XKRX: variants seen among roughly 807,000 people sequenced by gnomAD.
XKRX encodes the protein XK related X-linked.
In XKRX, 11 loss-of-function variants were observed where a neutral mutation model predicts 22.4. The ratio of observed to expected loss-of-function variants is 0.49; its 90% CI spans 0.31 to 0.81. The LOEUF (loss-of-function observed/expected upper bound fraction) is 0.81. XKRX is among the 40% of genes least tolerant of loss of function. The pLI, the probability that XKRX is intolerant of heterozygous loss-of-function variation, is 0.05. For synonymous variants in XKRX, 114 were observed against 132.2 expected, an observed-to-expected ratio of 0.86 and a Z score of 0.94; for missense variants, 320 against 336.5, an observed-to-expected ratio of 0.95 and a Z score of 0.38.
chrX:100,948,323 A>T, the XKRX span, among the ~76,000 whole-genome samples: 40 of 112,085 alleles, frequency 3.6e-4, no homozygotes, highest in African/African-American at 1.3e-3. Context: ...GTATCTTTTT[A>T]AAAAAATCAA....
chrX:100,892,777 A>C, the XKRX span, among the ~76,000 whole-genome samples: 1 of 112,465 alleles, frequency 8.9e-6, no homozygotes, highest in Non-Finnish European at 1.9e-5. Context: ...GTGGTTCCTA[A>C]AAAAGTTAAA....
the XKRX span, among the ~76,000 whole-genome samples, chrX:100,901,947 T>A: frequency 9.2e-6 from 1 of 108,610 alleles, no homozygotes; most frequent in Admixed American, 1.0e-4. Context: ...TGCAGTGAGC[T>A]GAGATTGTGC....
At chrX:100,948,114 C>G in the XKRX span, among the ~76,000 whole-genome samples, 1 of 109,342 alleles carries the variant, frequency 9.1e-6, no homozygotes. Context: ...CCATGTTGCC[C>G]AGGCTGGTCT....
the XKRX span, among the ~76,000 whole-genome samples, chrX:100,900,841 G>C: frequency 9.9e-6 from 1 of 100,800 alleles, no homozygotes; most frequent in Admixed American, 1.1e-4. Context: ...CTAGGCTGGA[G>C]TGCAGTGTCA....
At chrX:100,926,310 CAG>C (rs1245967286) in intron 1 of XKRX, among the ~76,000 whole-genome samples, 1 of 111,582 alleles carries the variant, frequency 9.0e-6, no homozygotes, top group African/African-American at 3.3e-5. Context: ...CAGTCAATGA[CAG>C]GGGGAAGACT....
chrX:100,958,350 C>T, the XKRX span, among the ~76,000 whole-genome samples: 85 of 112,159 alleles, frequency 7.6e-4, no homozygotes, highest in East Asian at 0.02. Context: ...AGTTTATGTG[C>T]GCCAGCTACA....
the XKRX span, among the ~76,000 whole-genome samples, chrX:100,889,111 G>A: frequency 2.8e-5 from 3 of 107,890 alleles, no homozygotes; most frequent in South Asian, 4.2e-4. Flanking sequence ...ATGGTGGTGC[G>A]TGCCTGTAGT....
In XKRX at chrX:100,928,437, G is replaced by C; in HGVS notation, c.-133C>G. The C allele has an allele frequency of 8.8e-7, 1 of 1,136,343 alleles. No homozygotes were observed. Among genetic ancestry groups the C allele is most frequent in the Non-Finnish European group, 1.2e-6 (1 of 862,425 alleles). The allele number at this position is 1,136,343 out of a possible 1,213,427, so 93.6% of individuals were successfully genotyped here. On this transcript the variant is annotated 5_prime_UTR_variant, in exon 1 of 3. The change creates a new upstream start codon in the 5' untranslated region. Coordinates refer to ENST00000372956, the MANE Select transcript of XKRX (RefSeq NM_212559.3). ...CTGTCAAGTCCAGTTTGGGAACAGA[G>C]ATTCACTAGTTAGAGCAAGAAACCG...
chrX:100,898,825 T>TTTTC, the XKRX span, among the ~76,000 whole-genome samples: 30,971 of 108,928 alleles, frequency 0.28, 3,444 homozygotes, highest in East Asian at 0.35. Flanking sequence ...TCTTTTTCTC[T>TTTTC]TTTCTTTCTT....
chrX:100,893,588 T>C, the XKRX span, among the ~76,000 whole-genome samples: 1 of 112,064 alleles, frequency 8.9e-6, no homozygotes, highest in Non-Finnish European at 1.9e-5. Flanking sequence ...GTTGATTGGA[T>C]AAAGAAAATG....
At chrX:100,911,653 T>G (rs2085407480), downstream of XKRX, among the ~76,000 whole-genome samples, 1 of 112,138 alleles carries the variant, frequency 8.9e-6, no homozygotes, top group Non-Finnish European at 1.9e-5. Flanking sequence ...TTTCAGAAAG[T>G]AAGAAGAGAG....
the XKRX span, among the ~76,000 whole-genome samples, chrX:100,935,845 C>T: frequency 8.9e-6 from 1 of 112,201 alleles, no homozygotes; most frequent in East Asian, 2.8e-4. Flanking sequence ...TGAGTTAACA[C>T]TGATGGCAGT....
chrX:100,895,608 G>C, the XKRX span, among the ~76,000 whole-genome samples: 1 of 112,184 alleles, frequency 8.9e-6, no homozygotes, highest in African/African-American at 3.2e-5. Flanking sequence ...GTGAAGGCCA[G>C]CACCACAGGT....
At chrX:100,912,969 G>A (rs2085412057), downstream of XKRX, among the ~76,000 whole-genome samples, 2 of 111,018 alleles carry the variant, frequency 1.8e-5, no homozygotes, top group South Asian at 3.9e-4. Context: ...AGACCGAGGC[G>A]GGTGGATCAC....
Position 100,914,186 on chromosome X carries a change from AT to A in XKRX, c.*151del, listed in dbSNP as rs1049983850. 9.4e-6 allele frequency: 6 copies of A among 638,055 alleles called. No individual in the cohort carries two copies. The highest frequency in any genetic ancestry group is 4.4e-5 in the African/African-American group (2 of 45,004). The allele number at this position is 638,055 out of a possible 1,213,427, so 52.6% of individuals were successfully genotyped here. A position where few individuals can be genotyped will look rare whatever the true frequency, so the allele number is the denominator to read the frequency against. ...GGTAACTCTTAAGAAAATAAAACCT[AT>A]TTGGGAGTTGCTCTTTCTTCTGATA... On this transcript the variant is annotated 3_prime_UTR_variant, in exon 3 of 3. Coordinates refer to ENST00000372956, the MANE Select transcript of XKRX (RefSeq NM_212559.3).
the XKRX span, among the ~76,000 whole-genome samples, chrX:100,889,899 G>A: frequency 1.8e-5 from 2 of 111,690 alleles, no homozygotes; most frequent in African/African-American, 3.3e-5. Flanking sequence ...AGCTACCTGG[G>A]AGGCTGAGGT....
chrX:100,918,238 A>T (rs1316349363), intron 2 of XKRX, among the ~76,000 whole-genome samples: 1 of 111,707 alleles, frequency 9.0e-6, no homozygotes, highest in Non-Finnish European at 1.9e-5. Context: ...TAAACCCAAA[A>T]GGAAGCACAG....
chrX:100,927,861 G>A, intron 1 of XKRX, 109 bp downstream of exon 1: 3 of 972,838 alleles, frequency 3.1e-6, no homozygotes, highest in Non-Finnish European at 4.1e-6. Flanking sequence ...GGGAGGAAAT[G>A]AGAGAATTGA....
upstream of XKRX, among the ~76,000 whole-genome samples, chrX:100,933,699 G>A (rs1222533786): frequency 1.8e-5 from 2 of 110,324 alleles, no homozygotes; most frequent in African/African-American, 6.6e-5. Context: ...AACAAATCTG[G>A]TTAGAAATGA....
Sources: allele counts gnomAD v4.1 joint callset (sites outside exome capture counted in the v4.1 genomes callset), GRCh38; gene constraint gnomAD v4.1.1; transcripts MANE v1.5; gene names NCBI Gene and HGNC (gene_info 2026-07-23, HGNC 2026-07-21).